Variants in TTC39B observed in about 807,000 individuals in gnomAD.
TTC39B encodes tetratricopeptide repeat protein 39B.
A neutral mutation model predicts 96.6 loss-of-function variants in TTC39B; 92 were observed. The observed-to-expected ratio is 0.95, with a 90% confidence interval of 0.80 to 1.13. The LOEUF (loss-of-function observed/expected upper bound fraction) is 1.13, where lower values mean the gene tolerates loss of function less well. TTC39B is among the 50% of genes most tolerant of loss of function. The pLI is 0.00. For missense variants in TTC39B, 955 were observed against 809.3 expected (o/e 1.18, Z -2.18); for synonymous variants, 367 against 299.4 (o/e 1.23, Z -2.33).
At chr9:15,277,885 T>C (rs1040465897) in intron 1 of TTC39B, among the ~76,000 whole-genome samples, 2 of 152,206 alleles carry the variant, frequency 1.3e-5, no homozygotes, top group African/African-American at 4.8e-5. Context: ...TCTCAATAGC[T>C]AGCTAGTGTT....
At chr9:15,172,783 T>C (rs1047950887) in intron 19 of TTC39B, among the ~76,000 whole-genome samples, 1 of 152,150 alleles carries the variant, frequency 6.6e-6, no homozygotes, top group Non-Finnish European at 1.5e-5. Flanking sequence ...GGGTGAGCTA[T>C]AACTGCTTTC....
chr9:15,285,011 C>T (rs7018873), intron 1 of TTC39B, among the ~76,000 whole-genome samples: 76,380 of 151,866 alleles, frequency 0.5, 19,316 homozygotes, highest in East Asian at 0.7. Flanking sequence ...CCTGTAATCC[C>T]AGCACTTTGG....
At chr9:15,182,191 C>T in intron 17 of TTC39B, 116 bp downstream of exon 17, 1 of 599,870 alleles carries the variant, frequency 1.7e-6, no homozygotes, top group East Asian at 3.1e-5. Context: ...GCAGCTCAAG[C>T]TCTTTGTCCT....
intron 1 of TTC39B, among the ~76,000 whole-genome samples, chr9:15,302,660 G>A (rs1035816265): frequency 1.0e-4 from 15 of 150,094 alleles, no homozygotes; most frequent in South Asian, 6.4e-4. Context: ...CCTGGCCAAC[G>A]TGCTGAAACT....
intron 18 of TTC39B, among the ~76,000 whole-genome samples, chr9:15,176,710 A>C (rs1817957901): frequency 1.3e-5 from 2 of 152,212 alleles, no homozygotes; most frequent in African/African-American, 2.4e-5. Flanking sequence ...TGTGCAAAGC[A>C]ATAATCAAAT....
intron 2 of TTC39B, chr9:15,232,355 G>GA (rs1821472564): frequency 6.6e-6 from 1 of 152,572 alleles, no homozygotes; most frequent in Non-Finnish European, 1.5e-5. Context: ...AGAAGAGGTG[G>GA]AAACGGGAGG....
rs184553107 is a variant in TTC39B, at chr9:15,248,583, G to C, written c.275+19331C>G. On this transcript the variant is annotated intron_variant, in intron 2 of 19. Transcript: ENST00000512701. ...ATCCCCAGAGCCTGGCAAGAGCTTC[G>C]TAACAGATGTAAACATTTTTGAATG... Among the ~76,000 whole-genome samples the C allele has an allele frequency of 2.0e-5, 3 of 150,868 alleles. No homozygotes were observed. In the East Asian group the frequency reaches 5.8e-4, roughly 29 times the overall value.
At chr9:15,196,303 A>G (rs1022899349) in intron 8 of TTC39B, among the ~76,000 whole-genome samples, 7 of 152,240 alleles carry the variant, frequency 4.6e-5, no homozygotes, top group African/African-American at 1.7e-4. Context: ...ACATTTTATA[A>G]GGCTATTGCT....
At chr9:15,264,993 CCAAA>C (rs1461212012) in intron 2 of TTC39B, among the ~76,000 whole-genome samples, 1 of 151,822 alleles carries the variant, frequency 6.6e-6, no homozygotes. Context: ...TGGAAAGCCC[CCAAA>C]CAGTGTGTTA....
At chr9:15,262,184 G>A (rs1023080781) in intron 2 of TTC39B, among the ~76,000 whole-genome samples, 20 of 151,954 alleles carry the variant, frequency 1.3e-4, no homozygotes, top group African/African-American at 3.4e-4. Flanking sequence ...CTGCAACCTC[G>A]GCCTCCCGGG....
At chr9:15,284,884 C>G (rs1457298741) in intron 1 of TTC39B, among the ~76,000 whole-genome samples, 1 of 152,010 alleles carries the variant, frequency 6.6e-6, no homozygotes, top group Non-Finnish European at 1.5e-5. Context: ...AGTATTACTT[C>G]GAGACAAGCA....
At chr9:15,211,469 G>C in intron 4 of TTC39B, 72 bp from the exon 5 acceptor site, 2 of 1,309,616 alleles carry the variant, frequency 1.5e-6, no homozygotes, top group Non-Finnish European at 2.0e-6. Context: ...CCTAGTAAAT[G>C]CATGTCCTGA....
At chr9:15,307,156 C>A in exon 1 of TTC39B, 5 of 1,605,456 alleles carry the variant, frequency 3.1e-6, no homozygotes, top group Non-Finnish European at 4.3e-6. Flanking sequence ...CACCCAAAAA[C>A]CAAGCAGGGA....
At chr9:15,184,393 G>A (rs1818408251) in intron 16 of TTC39B, among the ~76,000 whole-genome samples, 1 of 145,624 alleles carries the variant, frequency 6.9e-6, no homozygotes, top group Non-Finnish European at 1.5e-5. Flanking sequence ...AACTGTCAAA[G>A]AGGAATGATG....
At chr9:15,272,726 C>G (rs186514227) in intron 1 of TTC39B, among the ~76,000 whole-genome samples, 2 of 152,280 alleles carry the variant, frequency 1.3e-5, no homozygotes, top group Admixed American at 6.5e-5. Flanking sequence ...TGCTTTCCAG[C>G]CCAGCACAGT....
intron 1 of TTC39B, among the ~76,000 whole-genome samples, chr9:15,272,514 GGCA>G (rs1464483037): frequency 1.3e-5 from 2 of 152,156 alleles, no homozygotes; most frequent in African/African-American, 4.8e-5. Flanking sequence ...CCTCCTTAAA[GGCA>G]GCTGCATTTG....
intron 1 of TTC39B, among the ~76,000 whole-genome samples, chr9:15,270,172 G>GAA (rs1823289653): frequency 6.8e-6 from 1 of 146,604 alleles, no homozygotes; most frequent in African/African-American, 2.6e-5. Context: ...TCCATCTCAA[G>GAA]GAAAAAAAAA....
At position 15,279,512 on chromosome 9, in the gene TTC39B, T is replaced by C. The variant is rs554595140; in HGVS notation, c.241-11564A>G. 5.9e-5 allele frequency among the ~76,000 whole-genome samples: 9 copies of C among 152,354 alleles called. No individual in the cohort carries two copies. The East Asian group carries it at 1.5e-3, about 26-fold the overall frequency. ...CCAGTTTCACCACCCACTGGCTCTG[T>C]GACCTTGAGCAAGCTATTTTCCTTA... On this transcript the variant is annotated intron_variant, in intron 1 of 19. Coordinates refer to ENST00000512701, the Ensembl canonical transcript of TTC39B.
In TTC39B at chr9:15,306,169, A is replaced by G. The variant is rs965114895; in HGVS notation, c.240+915T>C. On this transcript the variant is annotated intron_variant, in intron 1 of 19. Coordinates refer to ENST00000512701, the Ensembl canonical transcript of TTC39B. The surrounding 1 kb of genome is among the most constrained non-coding windows in gnomAD (Gnocchi z 5.1). Reference sequence around the variant, plus strand: ...TAAAGGCAGCGACTCGCACAATTCAAGTCAGGTAAGATGGCAGGAACAGCA... The same window carrying G: ...TAAAGGCAGCGACTCGCACAATTCAGGTCAGGTAAGATGGCAGGAACAGCA... Among the ~76,000 whole-genome samples the G allele has an allele frequency of 2.6e-5, 4 of 152,218 alleles. No homozygotes were observed. The highest frequency in any genetic ancestry group is 1.3e-4 in the Admixed American group (2 of 15,282).
Sources: allele counts gnomAD v4.1 joint callset (sites outside exome capture counted in the v4.1 genomes callset), GRCh38; gene constraint gnomAD v4.1.1; non-coding constraint Gnocchi (gnomAD v3.1); transcripts MANE v1.5; gene names NCBI Gene and HGNC (gene_info 2026-07-23, HGNC 2026-07-21).